PIEZO1: variants seen among roughly 807,000 people sequenced by gnomAD.
The protein encoded by PIEZO1 is piezo type mechanosensitive ion channel component 1 (Er blood group).
In PIEZO1, 296 loss-of-function variants were observed where a neutral mutation model predicts 297.2. The observed-to-expected ratio is 1.00, with a 90% CI of 0.91 to 1.10. The LOEUF (loss-of-function observed/expected upper bound fraction) is 1.10. PIEZO1 is among the 50% of genes least tolerant of loss of function. PIEZO1 has a pLI of 0.00. For synonymous variants in PIEZO1, 2,427 were observed against 1,507.5 expected, an observed-to-expected ratio of 1.61 and a Z score of -14.13; for missense variants, 5,018 against 3,455.5, an observed-to-expected ratio of 1.45 and a Z score of -11.34.
rs997375011 is a variant in PIEZO1 at position 88,725,440 on chromosome 16, G to T, written c.4138C>A (p.Pro1380Thr). 11 of 1,477,282 alleles carry T rather than the reference G, an allele frequency of 7.4e-6. No homozygotes were observed. The South Asian group carries it at 1.5e-4, about 20-fold the overall frequency. The allele number at this position is 1,477,282 out of a possible 1,614,324, so 91.5% of individuals were successfully genotyped here. A position where few individuals can be genotyped will look rare whatever the true frequency, so the allele number is the denominator to read the frequency against. The change falls in exon 29 of 51, where the codon CCC becomes ACC. Residue 1380 changes from proline (P) to threonine (T), a missense_variant. Coordinates refer to ENST00000301015, the MANE Select transcript of PIEZO1 (RefSeq NM_001142864.4). ...CCTGGCTCCAGGCCGGGGTCCTTGGGGCCCAGGGTGTCCTGGGGGCGACTG... is the reference window on the plus strand; with the variant it reads ...CCTGGCTCCAGGCCGGGGTCCTTGGTGCCCAGGGTGTCCTGGGGGCGACTG... Reference protein sequence around the residue: ...DRSRPQDTLGPKDPGLEPGPD... With the variant: ...DRSRPQDTLGTKDPGLEPGPD...
At chr16:88,742,240 C>T (rs1329931572) in intron 3 of PIEZO1, 60 bp downstream of exon 3, 2 of 1,511,046 alleles carry the variant, frequency 1.3e-6, no homozygotes, top group Non-Finnish European at 1.8e-6. Flanking sequence ...GGGGTCACTG[C>T]AGGGCCCTCT....
In PIEZO1 at chr16:88,733,964, GTCCTCCTCCTCCTCC is replaced by G; in HGVS notation, c.2256_2270del (p.Glu752_Glu756del). ...CCACGCCCAGCCCCTCGTCCCTGGA[GTCCTCCTCCTCCTCC>G]TCCTCCTCCTGCTGCTGCTGCTGAT... is the stretch of plus-strand genomic sequence containing the variant. On this transcript the variant is annotated inframe_deletion, in exon 17 of 51. Transcript: ENST00000301015. 2.6e-6 allele frequency: 4 copies of G among 1,523,350 alleles called. No individual in the cohort carries two copies. The East Asian group carries it at 7.4e-5, about 28-fold the overall frequency. 94.4% of individuals were successfully genotyped at this position (1,523,350 alleles called of 1,614,324 possible).
At chr16:88,767,805 C>T (rs1686309374) in intron 1 of PIEZO1, among the ~76,000 whole-genome samples, 1 of 152,160 alleles carries the variant, frequency 6.6e-6, no homozygotes, top group Admixed American at 6.5e-5. Context: ...TGCCCTACAG[C>T]CCCGAGTCAG....
intron 47 of PIEZO1, 33 bp from the exon 48 acceptor site, chr16:88,716,516 G>A: frequency 6.5e-7 from 1 of 1,538,488 alleles, no homozygotes; most frequent in Non-Finnish European, 8.8e-7. Flanking sequence ...ACCCACTGTA[G>A]TGGGTCCACC....
rs1906113545 is a variant in PIEZO1 at position 88,747,292 on chromosome 16, G to C, written c.160+2092C>G. 2.0e-5 allele frequency among the ~76,000 whole-genome samples: 3 copies of C among 151,282 alleles called. No homozygotes were observed. The South Asian group carries it at 6.3e-4, about 32-fold the overall frequency. On this transcript the variant is annotated intron_variant, in intron 2 of 50. Coordinates refer to ENST00000301015, the MANE Select transcript of PIEZO1 (RefSeq NM_001142864.4). ...CCTGTAGTCTCGGCCGAGGTGGGCA[G>C]ATCACCTGAGGTCAGGAGTTCAAGA...
rs750182116 is a variant in PIEZO1, at chr16:88,725,698, G to A, written c.3969-14C>T. 44 of 1,405,568 alleles carry A rather than the reference G, an allele frequency of 3.1e-5. No homozygotes were observed. In the African/African-American group the frequency reaches 3.1e-4, roughly 10 times the overall value. The allele number at this position is 1,405,568 out of a possible 1,614,324, so 87.1% of individuals were successfully genotyped here. On this transcript the variant is annotated splice_polypyrimidine_tract_variant and intron_variant, in intron 27 of 50. Coordinates refer to ENST00000301015, the MANE Select transcript of PIEZO1 (RefSeq NM_001142864.4). ...AGGGCGAAGCCCCTGTAGGGAGGCG[G>A]GGATGGGGTGTGAGCACCAGGCACT...
Position 88,727,131 on chromosome 16 carries a change from T to C in PIEZO1, c.3363A>G (p.Thr1121=), listed in dbSNP as rs35100558. The change falls in exon 24 of 51, where the codon ACA becomes ACG. Residue 1121 remains threonine, a synonymous_variant. Transcript: ENST00000301015. ...CGCCAGCCATGCGCTGCCACTCCTC[T>C]GTGCGCTCAGCTGAGAACACCTGCC... The part of the protein sequence containing the change: ...QQWQVFSAER[T]EEWQRMAGVN... 3,084 of 1,549,956 alleles carry C rather than the reference T, an allele frequency of 2.0e-3. 53 individuals are homozygous for C. The African/African-American group carries it at 0.035, about 18-fold the overall frequency.
At chr16:88,760,999 C>G (rs1427358487) in intron 1 of PIEZO1, among the ~76,000 whole-genome samples, 4 of 152,248 alleles carry the variant, frequency 2.6e-5, no homozygotes. Context: ...CAGCCATCTG[C>G]TCTCAGACCT....
Position 88,737,582 on chromosome 16 carries a change from T to G in PIEZO1, c.1172A>C (p.Gln391Pro). The change falls in exon 10 of 51, where the codon CAG becomes CCG. Residue 391 changes from glutamine to proline, a missense_variant. Transcript: ENST00000301015. Reference sequence around the variant, plus strand: ...ACCAGGCCGCCGCAGGACGGAGCTCTGGCCGGTCAGCTCGTGCACGATGCA... The same window carrying G: ...ACCAGGCCGCCGCAGGACGGAGCTCGGGCCGGTCAGCTCGTGCACGATGCA... Reference protein sequence around the residue: ...DNCIVHELTGQSSVLRRPVRP... With the variant: ...DNCIVHELTGPSSVLRRPVRP... 6.5e-7 allele frequency: 1 copy of G among 1,534,178 alleles called. No homozygotes were observed. Among genetic ancestry groups the G allele is most frequent in the Non-Finnish European group, 8.7e-7 (1 of 1,146,296 alleles).
At chr16:88,756,920 C>CA (rs1230619819) in intron 1 of PIEZO1, among the ~76,000 whole-genome samples, 4 of 149,648 alleles carry the variant, frequency 2.7e-5, no homozygotes, top group Non-Finnish European at 5.9e-5. Context: ...ACTAAAAATA[C>CA]AAAAAAGTAG....
Position 88,719,870 on chromosome 16 carries a change from G to A in PIEZO1, c.6255C>T (p.Tyr2085=). The change falls in exon 43 of 51, where the codon TAC becomes TAT. Residue 2085 remains tyrosine (Y), a synonymous_variant. Transcript: ENST00000301015. ...GGAAGTTGCCGAGGATGCGGGTGGG[G>A]TAGCCGCAGCGGATCTGGTAGGCGG... is the stretch of plus-strand genomic sequence containing the variant. ...ALSAYQIRCG[Y]PTRILGNFLT... 4 of 1,550,520 alleles carry A rather than the reference G, an allele frequency of 2.6e-6. No individual in the cohort carries two copies. Among genetic ancestry groups the A allele is most frequent in the Non-Finnish European group, 3.5e-6 (4 of 1,146,924 alleles).
chr16:88,732,335 C>T lies in PIEZO1; in HGVS notation c.2991G>A (p.Glu997=), dbSNP rs765616614. 3 of 1,549,088 alleles carry T rather than the reference C, an allele frequency of 1.9e-6. No individual in the cohort carries two copies. The highest frequency in any genetic ancestry group is 2.6e-6 in the Non-Finnish European group (3 of 1,146,058). The part of the protein sequence containing the change: ...INFFFYKFGL[E]ICFLMAVNVI... The stretch of plus-strand genomic sequence containing the variant: ...GGGGGAGGCAATGTCCTTGCCTCAC[C>T]TCCAGCCCGAATTTGTAGAAGAAGA... The change falls in exon 21 of 51, where the codon GAG becomes GAA. Residue 997 remains glutamate, a splice_region_variant and synonymous_variant. Coordinates refer to ENST00000301015, the MANE Select transcript of PIEZO1 (RefSeq NM_001142864.4).
At chr16:88,777,162 A>G (rs1431933320) in intron 1 of PIEZO1, among the ~76,000 whole-genome samples, 1 of 152,208 alleles carries the variant, frequency 6.6e-6, no homozygotes, top group Non-Finnish European at 1.5e-5. Flanking sequence ...CAGTAGGGAC[A>G]GGGTTTTGCC....
At chr16:88,729,869 G>T (rs1024462117) in intron 22 of PIEZO1, among the ~76,000 whole-genome samples, 2 of 147,794 alleles carry the variant, frequency 1.4e-5, no homozygotes, top group African/African-American at 5.2e-5. Context: ...CCCAGGACAT[G>T]CTGAACCCAC....
chr16:88,736,362 A>T lies in PIEZO1; in HGVS notation c.1343T>A (p.Leu448His). The part of the protein sequence containing the change: ...YHSWLTFVLL[L>H]WACLIWTVRS... Reference sequence around the variant, plus strand: ...CACCGTCCAGATGAGGCAGGCCCAGAGCAGCAGTACGAAGGTCAGCCAGCT... The same window carrying T: ...CACCGTCCAGATGAGGCAGGCCCAGTGCAGCAGTACGAAGGTCAGCCAGCT... The change falls in exon 12 of 51, where the codon CTC (leucine) becomes CAC (histidine). Residue 448 changes from leucine (L) to histidine (H), a missense_variant. By Grantham distance (99) the Leu-to-His change is moderately conservative. Transcript: ENST00000301015. 1 of 1,549,976 alleles carries T rather than the reference A, an allele frequency of 6.5e-7. No individual in the cohort carries two copies. The highest frequency in any genetic ancestry group is 8.7e-7 in the Non-Finnish European group (1 of 1,146,806).
At chr16:88,736,029 A>G in intron 12 of PIEZO1, 119 bp downstream of exon 12, 2 of 1,027,616 alleles carry the variant, frequency 1.9e-6, no homozygotes, top group Non-Finnish European at 1.4e-6. Context: ...AAGGGGACAG[A>G]CAGACACATC....
At chr16:88,766,995 C>G (rs1351461546) in intron 1 of PIEZO1, among the ~76,000 whole-genome samples, 1 of 152,234 alleles carries the variant, frequency 6.6e-6, no homozygotes. Context: ...CAAAGTAACA[C>G]CCAAGGTCCT....
intron 16 of PIEZO1, 110 bp downstream of exon 16, chr16:88,734,246 T>C: frequency 8.1e-7 from 1 of 1,233,064 alleles, no homozygotes; most frequent in South Asian, 1.6e-5. Flanking sequence ...CAAATGCCCC[T>C]TGGGATCTGA....
At chr16:88,720,044 C>T (rs1348447126) in intron 42 of PIEZO1, 25 bp downstream of exon 42, 28 of 1,549,488 alleles carry the variant, frequency 1.8e-5, no homozygotes, top group Middle Eastern at 1.7e-4. Flanking sequence ...CCCTGGAGAC[C>T]GAGCGCCCCC....
Sources: gnomAD v4.1 joint callset for allele counts (sites outside exome capture counted in the v4.1 genomes callset) on GRCh38, gnomAD v4.1.1 for gene constraint, MANE v1.5 for transcripts, NCBI Gene and HGNC (gene_info 2026-07-23, HGNC 2026-07-21) for gene names.